The following KCND2 variants were observed in gnomAD, a reference collection of about 807,000 sequenced individuals.
The protein encoded by KCND2 is A-type voltage-gated potassium channel KCND2.
Under a neutral mutation model 54.4 loss-of-function variants are expected in KCND2, and 16 were observed. That is an observed-to-expected ratio of 0.29 (90% confidence interval 0.20 to 0.45). KCND2 has a LOEUF of 0.45. Ranked by LOEUF, KCND2 falls within the 20% of genes least tolerant of loss-of-function variation. KCND2 has a pLI of 1.00. For missense variants in KCND2, 486 were observed against 824.2 expected (o/e 0.59, Z 5.02); for synonymous variants, 317 against 310.7 (o/e 1.02, Z -0.21).
intron 1 of KCND2, among the ~76,000 whole-genome samples, chr7:120,566,337 T>G (rs1019828134): frequency 7.2e-5 from 11 of 152,016 alleles, no homozygotes; most frequent in Non-Finnish European, 1.5e-4. Context: ...CGCATGGATA[T>G]TTTGCCTTTT....
chr7:120,337,113 T>A (rs939072258), intron 1 of KCND2, among the ~76,000 whole-genome samples: 5 of 152,156 alleles, frequency 3.3e-5, no homozygotes, highest in Non-Finnish European at 5.9e-5. Flanking sequence ...TTTCGAGAGC[T>A]TGTCATGCTA....
chr7:120,449,151 A>C (rs1802062832), intron 1 of KCND2, among the ~76,000 whole-genome samples: 1 of 151,994 alleles, frequency 6.6e-6, no homozygotes, highest in Admixed American at 6.6e-5. Flanking sequence ...AACACAGTGA[A>C]ACCCCATCTC....
At chr7:120,301,996 T>C (rs548292313) in intron 1 of KCND2, among the ~76,000 whole-genome samples, 21 of 152,294 alleles carry the variant, frequency 1.4e-4, no homozygotes, top group African/African-American at 5.1e-4. Flanking sequence ...TTTAGTTTAC[T>C]TGTTAGAAAA....
intron 1 of KCND2, among the ~76,000 whole-genome samples, chr7:120,678,961 C>T (rs1431697108): frequency 6.6e-6 from 1 of 151,368 alleles, no homozygotes. Flanking sequence ...TGATATTGCT[C>T]TTAAACATTA....
At position 120,274,584 on chromosome 7, in the gene KCND2, A is replaced by G; in HGVS notation, c.-49A>G. 1.9e-6 allele frequency: 3 copies of G among 1,612,708 alleles called. No homozygotes were observed. Among genetic ancestry groups the G allele is most frequent in the Non-Finnish European group, 2.5e-6 (3 of 1,178,968 alleles). On this transcript the variant is annotated 5_prime_UTR_variant, in exon 1 of 6. Coordinates refer to ENST00000331113, the MANE Select transcript of KCND2 (RefSeq NM_012281.3). ...TGGGTGACTTTTGGCTGCTTCGGTG[A>G]CCCATTGTAGACGCCTCGTTACCCT...
intron 1 of KCND2, among the ~76,000 whole-genome samples, chr7:120,459,053 G>A (rs1277497507): frequency 3.3e-5 from 5 of 151,808 alleles, no homozygotes; most frequent in Non-Finnish European, 7.4e-5. Flanking sequence ...TCAAAATGAA[G>A]CATTTAAAGT....
chr7:120,553,617 A>G (rs1032856605), intron 1 of KCND2, among the ~76,000 whole-genome samples: 1 of 152,116 alleles, frequency 6.6e-6, no homozygotes, highest in African/African-American at 2.4e-5. Flanking sequence ...ACAGCTGCTG[A>G]TGAGGTTGAT....
At chr7:120,604,554 T>A (rs1245483556) in intron 1 of KCND2, among the ~76,000 whole-genome samples, 1 of 143,388 alleles carries the variant, frequency 7.0e-6, no homozygotes, top group South Asian at 2.3e-4. Flanking sequence ...AATAATAATA[T>A]TACTAATTAA....
intron 1 of KCND2, among the ~76,000 whole-genome samples, chr7:120,457,135 G>A (rs1209519018): frequency 6.6e-6 from 1 of 152,146 alleles, no homozygotes; most frequent in Non-Finnish European, 1.5e-5. Flanking sequence ...GCACACATTA[G>A]GGGATCCCCG....
At chr7:120,391,029 G>T (rs933657998) in intron 1 of KCND2, among the ~76,000 whole-genome samples, 1 of 151,696 alleles carries the variant, frequency 6.6e-6, no homozygotes, top group Non-Finnish European at 1.5e-5. Flanking sequence ...TTTAAGCCCC[G>T]CATGATTAGG....
chr7:120,336,276 C>A (rs113067576), intron 1 of KCND2, among the ~76,000 whole-genome samples: 9 of 152,204 alleles, frequency 5.9e-5, no homozygotes, highest in African/African-American at 1.9e-4. Flanking sequence ...TTTCGCAGTC[C>A]CAATCTCTTA....
chr7:120,340,468 C>A (rs746297523), intron 1 of KCND2, among the ~76,000 whole-genome samples: 40 of 152,094 alleles, frequency 2.6e-4, no homozygotes, highest in Non-Finnish European at 1.5e-4. Context: ...GCAAAGGAAA[C>A]GAAAACTTCA....
At chr7:120,309,737 A>T (rs934377077) in intron 1 of KCND2, among the ~76,000 whole-genome samples, 2 of 151,904 alleles carry the variant, frequency 1.3e-5, no homozygotes, top group Non-Finnish European at 2.9e-5. Flanking sequence ...CTTCAGATTC[A>T]CTTAACCCTT....
intron 1 of KCND2, among the ~76,000 whole-genome samples, chr7:120,452,900 C>T (rs1043307947): frequency 5.3e-5 from 8 of 152,198 alleles, no homozygotes; most frequent in African/African-American, 1.9e-4. Context: ...CCAGTACCAT[C>T]TGAGCACCCT....
At chr7:120,707,962 A>T (rs1792490523) in intron 1 of KCND2, among the ~76,000 whole-genome samples, 1 of 152,098 alleles carries the variant, frequency 6.6e-6, no homozygotes. Context: ...TCAGAACTGG[A>T]GCTTCATTAA....
intron 1 of KCND2, among the ~76,000 whole-genome samples, chr7:120,287,657 A>T (rs1311456216): frequency 1.3e-5 from 2 of 152,100 alleles, no homozygotes; most frequent in African/African-American, 4.8e-5. Flanking sequence ...GTTCAAGACC[A>T]GCCTGACCAG....
chr7:120,639,746 G>A (rs1056873783), intron 1 of KCND2, among the ~76,000 whole-genome samples: 5 of 152,100 alleles, frequency 3.3e-5, no homozygotes, highest in African/African-American at 7.2e-5. Flanking sequence ...CTGCCTTGTC[G>A]TGTTACGTGT....
Position 120,458,841 on chromosome 7 carries a change from A to AATT in KCND2, c.1115+183106_1115+183108dup, listed in dbSNP as rs909336234. On this transcript the variant is annotated intron_variant, in intron 1 of 5. Coordinates refer to ENST00000331113, the MANE Select transcript of KCND2 (RefSeq NM_012281.3). ...CTTCAGATTATATCCAAAAAATAAT[A>AATT]ATTATTATTATTATATTATTAGCAT... 1.1e-4 allele frequency among the ~76,000 whole-genome samples: 16 copies of AATT among 150,700 alleles called. No homozygotes were observed. The Middle Eastern group carries it at 0.01, about 99-fold the overall frequency.
rs778288080 is a variant in KCND2 at position 120,339,050 on chromosome 7, A to AT, written c.1115+63305dup. On this transcript the variant is annotated intron_variant, in intron 1 of 5. Transcript: ENST00000331113. ...CACCTGCCACCACACCTGGCTAATTATTATTTTTTTTTTTTTTGTATTTTT... is the reference window on the plus strand; with the variant it reads ...CACCTGCCACCACACCTGGCTAATTATTTATTTTTTTTTTTTTTGTATTTTT... Among the ~76,000 whole-genome samples, 1,217 of 138,968 alleles carry AT rather than the reference A, an allele frequency of 8.8e-3. 14 individuals carry two copies. The highest frequency in any genetic ancestry group is 0.033 in the African/African-American group (1,080 of 32,778). 91.2% of individuals were successfully genotyped at this position (138,968 alleles called of 152,430 possible). A position where few individuals can be genotyped will look rare whatever the true frequency, so the allele number is the denominator to read the frequency against.
Sources: allele counts gnomAD v4.1 joint callset (sites outside exome capture counted in the v4.1 genomes callset), GRCh38; gene constraint gnomAD v4.1.1; transcripts MANE v1.5; gene names NCBI Gene and HGNC (gene_info 2026-07-23, HGNC 2026-07-21).